Variants in LHFPL2 observed in about 807,000 individuals in gnomAD.
LHFPL2 encodes LHFPL tetraspan subfamily member 2.
Under a neutral mutation model 17.5 loss-of-function variants are expected in LHFPL2, and 7 were observed. That is an observed-to-expected ratio of 0.40 (90% confidence interval 0.23 to 0.75). The LOEUF (loss-of-function observed/expected upper bound fraction) is 0.75. Among genes scored for constraint, LHFPL2 ranks in the 30% least tolerant of loss-of-function variants. The probability of loss-of-function intolerance (pLI) is 0.37; values close to 1 mark genes in which losing one functional copy is unlikely to be tolerated. For missense variants in LHFPL2, 241 were observed against 294.8 expected, an observed-to-expected ratio of 0.82 and a Z score of 1.34; for synonymous variants, 134 against 116.2, an observed-to-expected ratio of 1.15 and a Z score of -0.99.
intron 2 of LHFPL2, among the ~76,000 whole-genome samples, chr5:78,568,171 C>T (rs1244122378): frequency 1.3e-5 from 2 of 152,280 alleles, no homozygotes; most frequent in Non-Finnish European, 1.5e-5. Flanking sequence ...TTGTTAAACA[C>T]ATGGGTTCAT....
chr5:78,560,957 T>C (rs919240485), intron 3 of LHFPL2, among the ~76,000 whole-genome samples: 1 of 152,188 alleles, frequency 6.6e-6, no homozygotes, highest in Non-Finnish European at 1.5e-5. Context: ...AGTAGCAACA[T>C]TAAAAAGCAT....
At chr5:78,535,290 C>T (rs931099257) in intron 3 of LHFPL2, among the ~76,000 whole-genome samples, 1 of 152,194 alleles carries the variant, frequency 6.6e-6, no homozygotes, top group African/African-American at 2.4e-5. Flanking sequence ...CACCCACCTC[C>T]TCCCTGAGCA....
intron 3 of LHFPL2, among the ~76,000 whole-genome samples, chr5:78,529,426 G>A (rs1755713766): frequency 6.6e-6 from 1 of 152,238 alleles, no homozygotes; most frequent in African/African-American, 2.4e-5. Flanking sequence ...TTGAAAAGCA[G>A]AGAGAAAGTA....
At chr5:78,497,961 G>A (rs1754657509) in intron 4 of LHFPL2, among the ~76,000 whole-genome samples, 1 of 152,226 alleles carries the variant, frequency 6.6e-6, no homozygotes, top group South Asian at 2.1e-4. Context: ...CTGCAGCAAG[G>A]ACAGCTGCCA....
At chr5:78,549,552 G>A (rs1469303093) in intron 3 of LHFPL2, among the ~76,000 whole-genome samples, 1 of 152,196 alleles carries the variant, frequency 6.6e-6, no homozygotes, top group East Asian at 1.9e-4. Context: ...ACTGAGTCCT[G>A]TATCCCCTTG....
intron 3 of LHFPL2, among the ~76,000 whole-genome samples, chr5:78,527,336 C>T (rs931959349): frequency 9.8e-5 from 14 of 143,152 alleles, no homozygotes; most frequent in African/African-American, 2.3e-4. Context: ...GATCAAGCTT[C>T]GGGAAAGCTC....
chr5:78,642,977 C>G (rs77563101), intron 1 of LHFPL2, among the ~76,000 whole-genome samples: 137 of 152,240 alleles, frequency 9.0e-4, no homozygotes, highest in Middle Eastern at 3.4e-3. Flanking sequence ...TGTTCCCCCC[C>G]CTCCTTGTTA....
At chr5:78,622,984 G>T (rs984726747) in intron 2 of LHFPL2, among the ~76,000 whole-genome samples, 2 of 152,154 alleles carry the variant, frequency 1.3e-5, no homozygotes, top group African/African-American at 4.8e-5. Context: ...TGGGAAAACA[G>T]CATGTGTAAT....
intron 2 of LHFPL2, among the ~76,000 whole-genome samples, chr5:78,585,924 G>A (rs973152179): frequency 1.3e-5 from 2 of 152,284 alleles, no homozygotes; most frequent in Non-Finnish European, 1.5e-5. Context: ...AGCCGTTCAC[G>A]TACTACCTCC....
At chr5:78,493,183 G>A (rs575536271) in intron 4 of LHFPL2, among the ~76,000 whole-genome samples, 1 of 152,212 alleles carries the variant, frequency 6.6e-6, no homozygotes, top group Admixed American at 6.5e-5. Context: ...TCAGTGACTT[G>A]GGTGTCCCTC....
chr5:78,590,879 T>C (rs1457193915), intron 2 of LHFPL2, among the ~76,000 whole-genome samples: 1 of 152,220 alleles, frequency 6.6e-6, no homozygotes, highest in Non-Finnish European at 1.5e-5. Context: ...CTAAGAATGT[T>C]TCCTAGTCTC....
chr5:78,562,045 C>A (rs1756742873), intron 3 of LHFPL2, among the ~76,000 whole-genome samples: 1 of 152,192 alleles, frequency 6.6e-6, no homozygotes, highest in Non-Finnish European at 1.5e-5. Context: ...CAAAGAGGCA[C>A]AGAAAGAGCC....
intron 3 of LHFPL2, among the ~76,000 whole-genome samples, chr5:78,539,858 C>T (rs1035155249): frequency 4.6e-5 from 7 of 150,846 alleles, no homozygotes; most frequent in African/African-American, 1.7e-4. Context: ...CATTTGCTTC[C>T]CTTCAAAGTT....
Position 78,556,962 on chromosome 5 carries a change from C to CT in LHFPL2, c.-186+7850dup, listed in dbSNP as rs58215965. On this transcript the variant is annotated intron_variant, in intron 3 of 4. Coordinates refer to ENST00000380345, the MANE Select transcript of LHFPL2 (RefSeq NM_005779.3). ...CACACATAAACAGCTTCTGGCAATCCTTTTTTTTTTTTATACTTTAAGTTC... is the reference window on the plus strand; with the variant it reads ...CACACATAAACAGCTTCTGGCAATCCTTTTTTTTTTTTTATACTTTAAGTTC... Among the ~76,000 whole-genome samples, 51 of 146,878 alleles carry CT rather than the reference C, an allele frequency of 3.5e-4. No individual in the cohort carries two copies. In the East Asian group the frequency reaches 5.2e-3, roughly 15 times the overall value.
chr5:78,607,471 C>T (rs992206584), intron 2 of LHFPL2, among the ~76,000 whole-genome samples: 1 of 152,202 alleles, frequency 6.6e-6, no homozygotes, highest in East Asian at 1.9e-4. Context: ...GAATAAAAGA[C>T]ATTTAAAAAT....
intron 3 of LHFPL2, among the ~76,000 whole-genome samples, chr5:78,526,999 CA>C (rs1755639568): frequency 6.6e-6 from 1 of 152,178 alleles, no homozygotes; most frequent in African/African-American, 2.4e-5. Flanking sequence ...TAACAGGCAA[CA>C]AATACAGAGT....
chr5:78,550,105 T>C (rs1756397483), intron 3 of LHFPL2, among the ~76,000 whole-genome samples: 1 of 152,246 alleles, frequency 6.6e-6, no homozygotes, highest in Admixed American at 6.5e-5. Context: ...TAACCCATAG[T>C]GGATCAGGAG....
At chr5:78,565,862 C>G (rs1375229749) in intron 2 of LHFPL2, among the ~76,000 whole-genome samples, 1 of 152,200 alleles carries the variant, frequency 6.6e-6, no homozygotes, top group African/African-American at 2.4e-5. Flanking sequence ...ACCACATATT[C>G]CTTAATGCAA....
chr5:78,593,472 T>C (rs1449338074), intron 2 of LHFPL2, among the ~76,000 whole-genome samples: 2 of 152,148 alleles, frequency 1.3e-5, no homozygotes. Context: ...AACAGTATCA[T>C]TTTCATGACA....
Sources: gnomAD v4.1 joint callset for allele counts (sites outside exome capture counted in the v4.1 genomes callset) on GRCh38, gnomAD v4.1.1 for gene constraint, MANE v1.5 for transcripts, NCBI Gene and HGNC (gene_info 2026-07-23, HGNC 2026-07-21) for gene names.